The following C2orf66 variants were observed in gnomAD, a reference collection of about 807,000 sequenced individuals.
C2orf66 encodes the protein chromosome 2 open reading frame 66.
A neutral mutation model predicts 7.0 loss-of-function variants in C2orf66; 6 were observed. The ratio of observed to expected loss-of-function variants is 0.86; its 90% CI spans 0.47 to 1.69. The LOEUF (loss-of-function observed/expected upper bound fraction) is 1.69. C2orf66 is among the 40% of genes most tolerant of loss of function. C2orf66 has a pLI of 0.01. For missense variants in C2orf66, 107 were observed against 112.0 expected (o/e 0.96, Z 0.20); for synonymous variants, 38 against 43.8 (o/e 0.87, Z 0.52).
intron 1 of C2orf66, among the ~76,000 whole-genome samples, 168 bp downstream of exon 1, chr2:196,809,046 G>A (rs919063338): frequency 6.6e-6 from 1 of 152,170 alleles, no homozygotes; most frequent in African/African-American, 2.4e-5. Flanking sequence ...AGAAACAATA[G>A]GTTGCCAACC....
upstream of C2orf66, among the ~76,000 whole-genome samples, chr2:196,810,502 A>G (rs1699864109): frequency 6.6e-6 from 1 of 152,230 alleles, no homozygotes. Context: ...CACATGTTTC[A>G]TGGAAAAAAG....
At chr2:196,816,975 C>A in the C2orf66 span, among the ~76,000 whole-genome samples, 1 of 152,084 alleles carries the variant, frequency 6.6e-6, no homozygotes, top group Non-Finnish European at 1.5e-5. Context: ...ACCATGATGC[C>A]CACCTGAGCC....
the C2orf66 span, among the ~76,000 whole-genome samples, chr2:196,819,334 G>C: frequency 2.7e-4 from 41 of 152,182 alleles, 8 homozygotes; most frequent in Admixed American, 2.5e-3. Flanking sequence ...TCAGAATAGA[G>C]CCCTAATGAA....
chr2:196,809,657 G>C, upstream of C2orf66: 1 of 265,580 alleles, frequency 3.8e-6, no homozygotes, highest in Non-Finnish European at 7.1e-6. Flanking sequence ...GTACTTTGTT[G>C]TCTCCAAAGA....
the C2orf66 span, among the ~76,000 whole-genome samples, chr2:196,825,397 A>C: frequency 6.6e-6 from 1 of 152,222 alleles, no homozygotes; most frequent in Non-Finnish European, 1.5e-5. Context: ...ATAGTTAATA[A>C]TACTATATTG....
At chr2:196,829,761 G>C in the C2orf66 span, among the ~76,000 whole-genome samples, 1 of 151,840 alleles carries the variant, frequency 6.6e-6, no homozygotes, top group Non-Finnish European at 1.5e-5. Flanking sequence ...GACGGGCGTG[G>C]TGGCGGGCGC....
chr2:196,826,371 T>C, the C2orf66 span, among the ~76,000 whole-genome samples: 1 of 152,232 alleles, frequency 6.6e-6, no homozygotes, highest in Non-Finnish European at 1.5e-5. Context: ...ATTGTAGTAG[T>C]ATGTTTATGG....
At chr2:196,810,081 G>T (rs1176217447), upstream of C2orf66, 1 of 152,206 alleles carries the variant, frequency 6.6e-6, no homozygotes, top group East Asian at 1.9e-4. Context: ...ATTCTTGAGA[G>T]TCAGATCTTC....
At chr2:196,828,473 G>A in the C2orf66 span, among the ~76,000 whole-genome samples, 1 of 152,080 alleles carries the variant, frequency 6.6e-6, no homozygotes, top group African/African-American at 2.4e-5. Flanking sequence ...CTTCTAAAAT[G>A]GTCCCCAAGG....
the C2orf66 span, among the ~76,000 whole-genome samples, chr2:196,825,222 CAA>C: frequency 4.2e-4 from 23 of 54,276 alleles, no homozygotes; most frequent in African/African-American, 1.0e-3. Context: ...GACTCTGTCT[CAA>C]AAAAAAAAAA....
the C2orf66 span, among the ~76,000 whole-genome samples, chr2:196,823,785 A>G: frequency 4.6e-5 from 7 of 152,198 alleles, no homozygotes; most frequent in African/African-American, 7.2e-5. Context: ...AGAACCTACT[A>G]TGTGTCAGGT....
the C2orf66 span, among the ~76,000 whole-genome samples, chr2:196,820,778 T>C: frequency 6.6e-6 from 1 of 152,238 alleles, no homozygotes; most frequent in Non-Finnish European, 1.5e-5. Flanking sequence ...GCAGTGCAGA[T>C]TGAAACCTTA....
upstream of C2orf66, chr2:196,809,514 TG>T: frequency 1.2e-6 from 1 of 801,090 alleles, no homozygotes; most frequent in Non-Finnish European, 2.0e-6. Context: ...GACTTCTAAA[TG>T]AGGACCCCAA....
chr2:196,819,241 CT>C, the C2orf66 span, among the ~76,000 whole-genome samples: 8 of 152,244 alleles, frequency 5.3e-5, no homozygotes, highest in Non-Finnish European at 8.8e-5. Context: ...TTGTGTCCCC[CT>C]GACCCCAAAT....
chr2:196,828,684 G>A, the C2orf66 span, among the ~76,000 whole-genome samples: 1 of 152,170 alleles, frequency 6.6e-6, no homozygotes, highest in Admixed American at 6.5e-5. Context: ...TGGGTCTAAA[G>A]GTCAGTGACA....
At chr2:196,811,557 T>C (rs565942331), upstream of C2orf66, among the ~76,000 whole-genome samples, 47 of 152,150 alleles carry the variant, frequency 3.1e-4, no homozygotes, top group South Asian at 6.2e-4. Flanking sequence ...CCGTGGGTTA[T>C]GCAGGTGAGT....
chr2:196,805,773 C>T (rs1319866102), intron 2 of C2orf66, among the ~76,000 whole-genome samples: 1 of 152,132 alleles, frequency 6.6e-6, no homozygotes, highest in African/African-American at 2.4e-5. Flanking sequence ...GAAGCCGAGG[C>T]TTACAAGCAA....
chr2:196,818,908 C>T, the C2orf66 span, among the ~76,000 whole-genome samples: 1 of 152,226 alleles, frequency 6.6e-6, no homozygotes, highest in African/African-American at 2.4e-5. Context: ...TCACATGCAT[C>T]ACATCTCCTT....
chr2:196,810,363 G>T (rs1275307563), upstream of C2orf66: 1 of 152,176 alleles, frequency 6.6e-6, no homozygotes, highest in Non-Finnish European at 1.5e-5. Flanking sequence ...AAATTCTTTT[G>T]TGAGAGACAA....
Sources: allele counts gnomAD v4.1 joint callset (sites outside exome capture counted in the v4.1 genomes callset), GRCh38; gene constraint gnomAD v4.1.1; transcripts MANE v1.5; gene names NCBI Gene and HGNC (gene_info 2026-07-23, HGNC 2026-07-21).